HP1BP3: variants seen among roughly 807,000 people sequenced by gnomAD.
HP1BP3 encodes the protein heterochromatin protein 1-binding protein 3.
Under a neutral mutation model 62.5 loss-of-function variants are expected in HP1BP3, and 12 were observed. That is an observed-to-expected ratio of 0.19 (90% CI 0.12 to 0.31). HP1BP3 has a LOEUF of 0.31. HP1BP3 is among the 10% of genes least tolerant of loss of function. HP1BP3 has a pLI of 1.00. For synonymous variants in HP1BP3, 260 were observed against 237.8 expected, an observed-to-expected ratio of 1.09 and a Z score of -0.86; for missense variants, 502 against 651.8, an observed-to-expected ratio of 0.77 and a Z score of 2.50.
At chr1:20,768,263 A>G (rs955973244) in intron 6 of HP1BP3, among the ~76,000 whole-genome samples, 7 of 151,792 alleles carry the variant, frequency 4.6e-5, no homozygotes, top group South Asian at 4.2e-4. Flanking sequence ...TGGCTAACAC[A>G]GTGAAACCCC....
At chr1:20,757,356 T>C (rs1389272960) in intron 8 of HP1BP3, 100 bp from the exon 9 acceptor site, 1 of 478,446 alleles carries the variant, frequency 2.1e-6, no homozygotes, top group Non-Finnish European at 3.3e-6. Context: ...GAGTTCTGAT[T>C]ACTATTATTA....
intron 3 of HP1BP3, among the ~76,000 whole-genome samples, chr1:20,779,409 C>A (rs1378123136): frequency 6.6e-6 from 1 of 152,072 alleles, no homozygotes; most frequent in Non-Finnish European, 1.5e-5. Flanking sequence ...AACAGATCAC[C>A]ATTTGCTTCT....
intron 9 of HP1BP3, among the ~76,000 whole-genome samples, chr1:20,753,376 A>G (rs1235975601): frequency 6.6e-6 from 1 of 152,216 alleles, no homozygotes; most frequent in East Asian, 1.9e-4. Flanking sequence ...TTTGTTGCCA[A>G]TGATAAAATT....
chr1:20,777,439 A>G (rs1239382592), intron 3 of HP1BP3, among the ~76,000 whole-genome samples: 1 of 152,060 alleles, frequency 6.6e-6, no homozygotes, highest in Non-Finnish European at 1.5e-5. Flanking sequence ...TGGCCTTCCC[A>G]TAAAGAGAAT....
In HP1BP3 at chr1:20,776,677, C is replaced by A. The variant is rs145672262; in HGVS notation, c.270G>T (p.Ser90=). The change falls in exon 4 of 13, where the codon TCG becomes TCT. Residue 90 remains serine (S), a synonymous_variant. Transcript: ENST00000438032. ...CCCCCTTTGGCTGCTCTGCCTCACTCGAAGTAGCAGGTGGAGTTTCATTCT... is the reference window on the plus strand; with the variant it reads ...CCCCCTTTGGCTGCTCTGCCTCACTAGAAGTAGCAGGTGGAGTTTCATTCT... ...EQENETPPAT[S]SEAEQPKGEP... 6.2e-7 allele frequency: 1 copy of A among 1,613,882 alleles called. No homozygotes were observed. Among genetic ancestry groups the A allele is most frequent in the East Asian group, 2.2e-5 (1 of 44,854 alleles).
At chr1:20,773,299 A>C (rs932970655) in intron 5 of HP1BP3, 152 bp downstream of exon 5, 1 of 485,698 alleles carries the variant, frequency 2.1e-6, no homozygotes, top group Admixed American at 4.3e-5. Context: ...TTATATTAGA[A>C]AAACATGAAC....
At chr1:20,746,013 A>T (rs2055297024) in intron 11 of HP1BP3, among the ~76,000 whole-genome samples, 1 of 152,152 alleles carries the variant, frequency 6.6e-6, no homozygotes, top group African/African-American at 2.4e-5. Flanking sequence ...CTTCAGCCTC[A>T]TAATACTGGC....
chr1:20,752,820 T>C (rs139248095), intron 9 of HP1BP3, among the ~76,000 whole-genome samples: 13 of 152,378 alleles, frequency 8.5e-5, no homozygotes, highest in African/African-American at 3.1e-4. Flanking sequence ...GAATATTTTA[T>C]GGGATGAAAC....
chr1:20,742,655 T>C lies in HP1BP3; in HGVS notation c.*2142A>G, dbSNP rs908479716. 6.6e-6 allele frequency: 1 copy of C among 152,652 alleles called. No homozygotes were observed. The highest frequency in any genetic ancestry group is 2.4e-5 in the African/African-American group (1 of 41,456). The allele number at this position is 152,652 out of a possible 1,614,324, so 9.5% of individuals were successfully genotyped here. On this transcript the variant is annotated 3_prime_UTR_variant, in exon 13 of 13. Coordinates refer to ENST00000438032, the MANE Select transcript of HP1BP3 (RefSeq NM_001372052.1). ...CTGAGGATATACTATACTCAAAACC[T>C]TTAAATATAAGCTACGGTTCAGCAG...
At chr1:20,760,751 G>T (rs1043934811) in intron 8 of HP1BP3, among the ~76,000 whole-genome samples, 1 of 152,044 alleles carries the variant, frequency 6.6e-6, no homozygotes, top group African/African-American at 2.4e-5. Context: ...CAGGAAAATC[G>T]CTTGAACCGA....
intron 9 of HP1BP3, 27 bp from the exon 10 acceptor site, chr1:20,749,909 C>A: frequency 6.2e-7 from 1 of 1,603,030 alleles, no homozygotes; most frequent in South Asian, 1.1e-5. Context: ...AAGAGAAAAG[C>A]ATCAAGACAA....
chr1:20,764,287 T>C (rs1019539392), intron 8 of HP1BP3, among the ~76,000 whole-genome samples: 2 of 152,138 alleles, frequency 1.3e-5, no homozygotes, highest in African/African-American at 4.8e-5. Flanking sequence ...CTTCATTATT[T>C]AGTTATTAAA....
chr1:20,763,220 T>G (rs890859129), intron 8 of HP1BP3, among the ~76,000 whole-genome samples: 3 of 152,212 alleles, frequency 2.0e-5, no homozygotes, highest in African/African-American at 7.2e-5. Flanking sequence ...TGCAGTACCA[T>G]GAGCCAAATA....
chr1:20,763,509 C>A (rs144039176), intron 8 of HP1BP3, among the ~76,000 whole-genome samples: 1 of 152,286 alleles, frequency 6.6e-6, no homozygotes, highest in Non-Finnish European at 1.5e-5. Context: ...TAATTGCATG[C>A]CTCAGTAATG....
rs148136230 is a variant in HP1BP3, at chr1:20,779,854, G to A, written c.154C>T (p.Pro52Ser). 2.8e-5 allele frequency: 45 copies of A among 1,613,360 alleles called. No individual in the cohort carries two copies. The highest frequency in any genetic ancestry group is 3.8e-5 in the Non-Finnish European group (45 of 1,179,822). The change falls in exon 3 of 13, where the codon CCT becomes TCT. Residue 52 changes from proline (P) to serine (S), a missense_variant. Pro to Ser is a moderately conservative substitution (Grantham distance 74, BLOSUM62 -1). This residue lies in a region of HP1BP3 where 165 missense variants were observed against 156.4 expected (regional missense o/e 1.05). Coordinates refer to ENST00000438032, the MANE Select transcript of HP1BP3 (RefSeq NM_001372052.1). ...RRTVNSTRETPPKSKLAEGEE... is the reference protein window; with the variant it reads ...RRTVNSTRETSPKSKLAEGEE... Reference sequence around the variant, plus strand: ...CCTTCAGCAAGCTTGCTTTTGGGAGGAGTTTCCCGGGTAGAATTCACAGTT... The same window carrying A: ...CCTTCAGCAAGCTTGCTTTTGGGAGAAGTTTCCCGGGTAGAATTCACAGTT...
At chr1:20,765,087 T>C (rs2056710531) in intron 8 of HP1BP3, among the ~76,000 whole-genome samples, 1 of 150,452 alleles carries the variant, frequency 6.6e-6, no homozygotes. Flanking sequence ...GAGAATCCTT[T>C]GAACCCGGGA....
At chr1:20,775,077 A>G (rs1200174095) in intron 4 of HP1BP3, 1 of 152,024 alleles carries the variant, frequency 6.6e-6, no homozygotes, top group Non-Finnish European at 1.5e-5. Flanking sequence ...ACTATACTAT[A>G]CTTTTTATCA....
intron 3 of HP1BP3, 67 bp downstream of exon 3, chr1:20,779,745 T>C: frequency 2.1e-6 from 2 of 970,022 alleles, no homozygotes; most frequent in South Asian, 3.0e-5. Context: ...TTCAAAGGAA[T>C]TTATGGGACA....
rs1034248038 is a variant in HP1BP3 at position 20,779,888 on chromosome 1, C to A, written c.120G>T (p.Pro40=). 1 of 1,613,212 alleles carries A rather than the reference C, an allele frequency of 6.2e-7. No homozygotes were observed. Among genetic ancestry groups the A allele is most frequent in the Non-Finnish European group, 8.5e-7 (1 of 1,179,646 alleles). The stretch of plus-strand genomic sequence containing the variant: ...GGGTAGAATTCACAGTTCGACGAAT[C>A]GGCATGGTGCTATCTTCTACCTTCT... The part of the protein sequence containing the change: ...LGEKVEDSTM[P]IRRTVNSTRE... The change falls in exon 3 of 13, where the codon CCG becomes CCT. Residue 40 remains proline, a synonymous_variant. Coordinates refer to ENST00000438032, the MANE Select transcript of HP1BP3 (RefSeq NM_001372052.1).
Sources: allele counts gnomAD v4.1 joint callset (sites outside exome capture counted in the v4.1 genomes callset), GRCh38; gene constraint gnomAD v4.1.1; regional missense constraint gnomAD v4.1.1; transcripts MANE v1.5; gene names NCBI Gene and HGNC (gene_info 2026-07-23, HGNC 2026-07-21).